The following PDE3B variants were observed in gnomAD, a reference collection of about 807,000 sequenced individuals.
PDE3B encodes phosphodiesterase 3B.
Under a neutral mutation model 116.8 loss-of-function variants are expected in PDE3B, and 66 were observed. The observed-to-expected ratio is 0.56, with a 90% CI of 0.46 to 0.69. The LOEUF is 0.69. Among genes scored for constraint, PDE3B ranks in the 30% least tolerant of loss-of-function variants. The probability of loss-of-function intolerance (pLI) is 0.00; values close to 1 mark genes in which losing one functional copy is unlikely to be tolerated. For synonymous variants in PDE3B, 595 were observed against 533.6 expected (o/e 1.12, Z -1.59); for missense variants, 1,384 against 1,368.1 (o/e 1.01, Z -0.18).
At chr11:14,745,950 T>C (rs1042832911) in intron 1 of PDE3B, among the ~76,000 whole-genome samples, 6 of 152,372 alleles carry the variant, frequency 3.9e-5, no homozygotes, top group African/African-American at 1.4e-4. Context: ...GCATCCATGA[T>C]AGTTATTCCA....
chr11:14,646,453 G>T lies in PDE3B; in HGVS notation c.978+1400G>T, dbSNP rs542545161. Among the ~76,000 whole-genome samples, 4 of 152,276 alleles carry T rather than the reference G, an allele frequency of 2.6e-5. No individual in the cohort carries two copies. The East Asian group carries it at 7.7e-4, about 29-fold the overall frequency. ...TTTGTTTTCTCAGTTTACTACCAGTGATAATAGATAGTACTTTAGGAAAAT... is the reference window on the plus strand; with the variant it reads ...TTTGTTTTCTCAGTTTACTACCAGTTATAATAGATAGTACTTTAGGAAAAT... On this transcript the variant is annotated intron_variant, in intron 1 of 15. Transcript: ENST00000282096.
intron 7 of PDE3B, among the ~76,000 whole-genome samples, chr11:14,824,333 G>A (rs550327083): frequency 6.6e-6 from 1 of 152,236 alleles, no homozygotes; most frequent in Non-Finnish European, 1.5e-5. Context: ...AATATGGATA[G>A]GAACAAAGAT....
Position 14,664,753 on chromosome 11 carries a change from T to G in PDE3B, c.978+19700T>G, listed in dbSNP as rs1339372963. On this transcript the variant is annotated intron_variant, in intron 1 of 15. Coordinates refer to ENST00000282096, the MANE Select transcript of PDE3B (RefSeq NM_000922.4). ...CTCTCTGAATAGACCAATAACAGGC[T>G]CTGAAATTGTGGCAATAATCAATAG... Among the ~76,000 whole-genome samples, 6 of 152,146 alleles carry G rather than the reference T, an allele frequency of 3.9e-5. No homozygotes were observed. The South Asian group carries it at 1.0e-3, about 26-fold the overall frequency.
At chr11:14,834,425 A>G (rs1859991234) in intron 10 of PDE3B, among the ~76,000 whole-genome samples, 1 of 152,202 alleles carries the variant, frequency 6.6e-6, no homozygotes, top group Non-Finnish European at 1.5e-5. Flanking sequence ...TCTGAAGCCT[A>G]TACTCTTTAC....
chr11:14,774,025 C>G (rs2133900529), intron 2 of PDE3B: 1 of 152,326 alleles, frequency 6.6e-6, no homozygotes, highest in Non-Finnish European at 1.5e-5. Context: ...CTCTTTTGTG[C>G]TTCTCATCCT....
At chr11:14,867,130 C>T (rs1187729954) in intron 14 of PDE3B, among the ~76,000 whole-genome samples, 2 of 150,830 alleles carry the variant, frequency 1.3e-5, no homozygotes, top group African/African-American at 4.9e-5. Flanking sequence ...CAGCTCTGTA[C>T]ATTTGAGATA....
chr11:14,799,945 A>ATATTGT (rs1858694830), intron 4 of PDE3B, among the ~76,000 whole-genome samples: 1 of 150,948 alleles, frequency 6.6e-6, no homozygotes, highest in Non-Finnish European at 1.5e-5. Flanking sequence ...TTTAAGGTTA[A>ATATTGT]TATGTGTGAA....
intron 1 of PDE3B, among the ~76,000 whole-genome samples, chr11:14,750,388 A>G (rs897661400): frequency 7.2e-5 from 11 of 152,128 alleles, no homozygotes; most frequent in African/African-American, 2.4e-4. Context: ...ATAAATTTGA[A>G]AATTTATGAT....
In PDE3B at chr11:14,820,637, T is replaced by C. The variant is rs1361803058; in HGVS notation, c.1807+1428T>C. Among the ~76,000 whole-genome samples the C allele has an allele frequency of 3.3e-5, 5 of 152,190 alleles. No homozygotes were observed. In the East Asian group the frequency reaches 9.6e-4, roughly 29 times the overall value. On this transcript the variant is annotated intron_variant, in intron 7 of 15. Transcript: ENST00000282096. ...TGTGTCGAAATCCTATACCCTGATA[T>C]GACGGTATTGGGAGGTAAGGCCTTT...
chr11:14,764,733 A>G (rs1857449611), intron 1 of PDE3B, among the ~76,000 whole-genome samples: 2 of 152,044 alleles, frequency 1.3e-5, no homozygotes. Flanking sequence ...GGGACAGTGT[A>G]TATTAAGTGC....
intron 1 of PDE3B, among the ~76,000 whole-genome samples, chr11:14,739,131 T>A (rs1489241595): frequency 6.6e-6 from 1 of 152,208 alleles, no homozygotes; most frequent in Non-Finnish European, 1.5e-5. Context: ...TTTCTCTAAT[T>A]CTGTGAAGAA....
intron 13 of PDE3B, 116 bp from the exon 14 acceptor site, chr11:14,861,088 AT>A: frequency 1.4e-6 from 1 of 700,356 alleles, no homozygotes; most frequent in East Asian, 2.9e-5. Context: ...ATTTGCTGAA[AT>A]TTCTTTCTGT....
At chr11:14,816,575 T>A (rs979260552) in intron 5 of PDE3B, among the ~76,000 whole-genome samples, 1 of 152,224 alleles carries the variant, frequency 6.6e-6, no homozygotes, top group Non-Finnish European at 1.5e-5. Flanking sequence ...TTTGTTCCCT[T>A]ATTAAGCACT....
At chr11:14,730,193 C>T (rs558485659) in intron 1 of PDE3B, among the ~76,000 whole-genome samples, 4 of 152,294 alleles carry the variant, frequency 2.6e-5, no homozygotes, top group Non-Finnish European at 2.9e-5. Flanking sequence ...CTGATACTCC[C>T]CTCTGCATCA....
In PDE3B at chr11:14,841,683, T is replaced by A. The variant is rs1381463591; in HGVS notation, c.2321-2144T>A. Among the ~76,000 whole-genome samples the A allele has an allele frequency of 2.0e-5, 3 of 146,844 alleles. 1 individual carries two copies. Among genetic ancestry groups the A allele is most frequent in the Non-Finnish European group, 4.5e-5 (3 of 67,216 alleles). On this transcript the variant is annotated intron_variant, in intron 11 of 15. Coordinates refer to ENST00000282096, the MANE Select transcript of PDE3B (RefSeq NM_000922.4). ...TACAGGAGGCATGGCTGGAGAGGCC[T>A]CAGGAAACTTACAATCATGGCTAAA... is the stretch of plus-strand genomic sequence containing the variant.
In PDE3B at chr11:14,643,923, G is replaced by C. The variant is rs1315444859; in HGVS notation, c.-153G>C. The C allele has an allele frequency of 9.4e-6, 11 of 1,166,540 alleles. No individual in the cohort carries two copies. Among genetic ancestry groups the C allele is most frequent in the Non-Finnish European group, 1.2e-5 (11 of 893,758 alleles). 72.3% of individuals were successfully genotyped at this position (1,166,540 alleles called of 1,614,324 possible). ...GACTCCGCCGCTCCTCAGTCCGCGCGGTGGGGACCCCGGGCCGTGGCGGCC... is the reference window on the plus strand; with the variant it reads ...GACTCCGCCGCTCCTCAGTCCGCGCCGTGGGGACCCCGGGCCGTGGCGGCC... On this transcript the variant is annotated 5_prime_UTR_variant, in exon 1 of 16. Transcript: ENST00000282096.
rs1847771544 is a variant in PDE3B, at chr11:14,852,416, G to A, written c.2521-6627G>A. Among the ~76,000 whole-genome samples, 8 of 152,188 alleles carry A rather than the reference G, an allele frequency of 5.3e-5. No individual in the cohort carries two copies. The South Asian group carries it at 1.7e-3, about 31-fold the overall frequency. The stretch of plus-strand genomic sequence containing the variant: ...AGTATATCTTCCCTCAAGGATGTTA[G>A]AAATGAGTGAATTCCAATGTTAACT... On this transcript the variant is annotated intron_variant, in intron 12 of 15. Transcript: ENST00000282096.
At chr11:14,863,840 C>T (rs1431787655) in intron 14 of PDE3B, among the ~76,000 whole-genome samples, 1 of 152,178 alleles carries the variant, frequency 6.6e-6, no homozygotes, top group Non-Finnish European at 1.5e-5. Context: ...ATAACAGCCA[C>T]CTCAAAAACA....
intron 1 of PDE3B, among the ~76,000 whole-genome samples, chr11:14,742,439 C>T (rs956990023): frequency 6.6e-6 from 1 of 152,188 alleles, no homozygotes; most frequent in Non-Finnish European, 1.5e-5. Context: ...TCCACCAGAT[C>T]ATTTATGTTC....
Sources: allele counts gnomAD v4.1 joint callset (sites outside exome capture counted in the v4.1 genomes callset), GRCh38; gene constraint gnomAD v4.1.1; transcripts MANE v1.5; gene names NCBI Gene and HGNC (gene_info 2026-07-23, HGNC 2026-07-21).